KIF20B: variants seen among roughly 807,000 people sequenced by gnomAD.
KIF20B encodes kinesin family member 20B.
Under a neutral mutation model 232.5 loss-of-function variants are expected in KIF20B, and 188 were observed. The ratio of observed to expected loss-of-function variants is 0.81; its 90% CI spans 0.72 to 0.91. The LOEUF (loss-of-function observed/expected upper bound fraction) is 0.91. KIF20B is among the 40% of genes least tolerant of loss of function. KIF20B has a pLI of 0.00. For missense variants in KIF20B, 2,154 were observed against 2,055.9 expected (o/e 1.05, Z -0.92); for synonymous variants, 712 against 683.0 (o/e 1.04, Z -0.66).
At chr10:89,727,210 A>T (rs1389356145) in intron 16 of KIF20B, among the ~76,000 whole-genome samples, 1 of 151,596 alleles carries the variant, frequency 6.6e-6, no homozygotes, top group Non-Finnish European at 1.5e-5. Context: ...TGTTAGTTTG[A>T]TGCTTCATTC....
intron 1 of KIF20B, among the ~76,000 whole-genome samples, chr10:89,702,385 C>T (rs547516549): frequency 6.6e-6 from 1 of 152,222 alleles, no homozygotes; most frequent in Non-Finnish European, 1.5e-5. Context: ...TTCAGTGATG[C>T]ATGTCTGGCA....
chr10:89,717,271 A>C (rs984589113), intron 9 of KIF20B, among the ~76,000 whole-genome samples, 153 bp from the exon 10 acceptor site: 8 of 152,232 alleles, frequency 5.3e-5, no homozygotes, highest in Non-Finnish European at 1.5e-5. Flanking sequence ...ACAGTAGAAC[A>C]CTGGCTTGAA....
At chr10:89,703,755 CTTTTTTT>C (rs68124594) in intron 1 of KIF20B, among the ~76,000 whole-genome samples, 2 of 137,540 alleles carry the variant, frequency 1.5e-5, no homozygotes, top group South Asian at 2.4e-4. Flanking sequence ...AGGCTTTTCC[CTTTTTTT>C]TTTTTTTTTT....
intron 19 of KIF20B, among the ~76,000 whole-genome samples, chr10:89,736,137 G>A (rs1166618378): frequency 6.6e-6 from 1 of 152,042 alleles, no homozygotes; most frequent in African/African-American, 2.4e-5. Flanking sequence ...AAGTCTACTT[G>A]CAAACATCAT....
chr10:89,755,306 T>A (rs1842097258), intron 26 of KIF20B, among the ~76,000 whole-genome samples: 1 of 152,180 alleles, frequency 6.6e-6, no homozygotes, highest in Non-Finnish European at 1.5e-5. Context: ...GGCATTTCCT[T>A]TTTTTATGAC....
rs578044113 is a variant in KIF20B at position 89,725,859 on chromosome 10, C to A, written c.2002-434C>A. Among the ~76,000 whole-genome samples, 270 of 152,162 alleles carry A rather than the reference C, an allele frequency of 1.8e-3. 2 individuals carry two copies. The highest frequency in any genetic ancestry group is 6.2e-3 in the African/African-American group (256 of 41,530). On this transcript the variant is annotated intron_variant, in intron 15 of 32. Transcript: ENST00000371728. ...GTTTTTGTTTAGTTTTTTAATCACT[C>A]AGTTCAAGTGCCTGTGACAGTGATG...
chr10:89,709,575 A>AT, intron 4 of KIF20B, 114 bp downstream of exon 4: 1 of 670,052 alleles, frequency 1.5e-6, no homozygotes. Flanking sequence ...TGCAACTTAG[A>AT]TTTTAAGGAT....
intron 31 of KIF20B, among the ~76,000 whole-genome samples, chr10:89,770,946 A>G (rs149797389): frequency 2.0e-5 from 3 of 152,056 alleles, no homozygotes; most frequent in African/African-American, 7.2e-5. Context: ...ACTCTCTCCA[A>G]TCTATCTCTT....
chr10:89,702,448 A>AT (rs889134333), intron 1 of KIF20B, among the ~76,000 whole-genome samples: 1 of 152,210 alleles, frequency 6.6e-6, no homozygotes, highest in African/African-American at 2.4e-5. Flanking sequence ...TTCACGCCTT[A>AT]TGGGTTAGGT....
In KIF20B at chr10:89,710,725, T is replaced by C. The variant is rs188123744; in HGVS notation, c.491-236T>C. The stretch of plus-strand genomic sequence containing the variant: ...GATTATGGGTGGTTACAAATCTTAA[T>C]ATGGTTGCATTATCTGAATGTAAAG... On this transcript the variant is annotated intron_variant, in intron 5 of 32. Coordinates refer to ENST00000371728, the MANE Select transcript of KIF20B (RefSeq NM_001284259.2). Among the ~76,000 whole-genome samples the C allele has an allele frequency of 1.4e-4, 22 of 152,336 alleles. 1 individual carries two copies. The highest frequency in any genetic ancestry group is 4.6e-4 in the Admixed American group (7 of 15,296).
intron 28 of KIF20B, 62 bp downstream of exon 28, chr10:89,760,698 C>T (rs780180769): frequency 2.9e-5 from 29 of 994,254 alleles, no homozygotes; most frequent in South Asian, 5.4e-5. Context: ...CTAAATAACA[C>T]GTACAAGTAA....
intron 26 of KIF20B, among the ~76,000 whole-genome samples, chr10:89,757,857 T>A (rs1374727573): frequency 6.6e-6 from 1 of 151,758 alleles, no homozygotes; most frequent in African/African-American, 2.4e-5. Flanking sequence ...TTGGTTATTC[T>A]GTTGTTCCAG....
chr10:89,719,850 TATAGAAAG>T, intron 13 of KIF20B, 144 bp downstream of exon 13: 2 of 633,174 alleles, frequency 3.2e-6, no homozygotes, highest in Non-Finnish European at 5.4e-6. Context: ...ATTTCAAACC[TATAGAAAG>T]ACTAGTACAA....
At position 89,757,832 on chromosome 10, in the gene KIF20B, C is replaced by G. The variant is rs116239293; in HGVS notation, c.4504-874C>G. Among the ~76,000 whole-genome samples, 1,130 of 143,086 alleles carry G rather than the reference C, an allele frequency of 7.9e-3. 10 individuals carry two copies. The highest frequency in any genetic ancestry group is 0.027 in the African/African-American group (1,067 of 39,464). 93.9% of individuals were successfully genotyped at this position (143,086 alleles called of 152,430 possible). A position where few individuals can be genotyped will look rare whatever the true frequency, so the allele number is the denominator to read the frequency against. ...GTGTTGTAAGATTAGGGTTGGGGTT[C>G]TTTTTTTTTTTCATTTGGTTATTCT... On this transcript the variant is annotated intron_variant, in intron 26 of 32. Transcript: ENST00000371728.
rs1342228788 is a variant in KIF20B, at chr10:89,719,674, A to AATAAGGCT, written c.1691_1698dup (p.Phe567IlefsTer16). Reference sequence around the variant, plus strand: ...AGATCTAGATAAAACATTAGAGGAAAATAAGGCTTTCATTAGCCACGAGGA... The same window carrying AATAAGGCT: ...AGATCTAGATAAAACATTAGAGGAAAATAAGGCTATAAGGCTTTCATTAGCCACGAGGA... On this transcript the variant is annotated frameshift_variant, in exon 13 of 33. Coordinates refer to ENST00000371728, the MANE Select transcript of KIF20B (RefSeq NM_001284259.2). LOFTEE classifies it high-confidence loss of function. The AATAAGGCT allele has an allele frequency of 6.2e-7, 1 of 1,608,330 alleles. No homozygotes were observed. The highest frequency in any genetic ancestry group is 1.3e-5 in the African/African-American group (1 of 74,352).
intron 28 of KIF20B, 93 bp from the exon 29 acceptor site, chr10:89,762,545 T>C: frequency 4.4e-6 from 4 of 900,970 alleles, no homozygotes; most frequent in African/African-American, 1.7e-5. Flanking sequence ...TCCCAATGCA[T>C]TGTCTTGGAT....
intron 2 of KIF20B, among the ~76,000 whole-genome samples, chr10:89,707,492 C>A (rs564453002): frequency 1.3e-5 from 2 of 149,946 alleles, no homozygotes; most frequent in East Asian, 1.9e-4. Context: ...CTTTTCATTT[C>A]CTTTTTTTCT....
chr10:89,736,625 G>A (rs1211428171), intron 19 of KIF20B, among the ~76,000 whole-genome samples: 1 of 151,844 alleles, frequency 6.6e-6, no homozygotes, highest in African/African-American at 2.4e-5. Flanking sequence ...CTTTATTCTA[G>A]CAATATACAT....
At chr10:89,704,489 G>A (rs1210822136) in intron 1 of KIF20B, among the ~76,000 whole-genome samples, 1 of 151,484 alleles carries the variant, frequency 6.6e-6, no homozygotes, top group African/African-American at 2.4e-5. Context: ...TTTTGAATGT[G>A]TTTACATATA....
Sources: gnomAD v4.1 joint callset for allele counts (sites outside exome capture counted in the v4.1 genomes callset) on GRCh38, gnomAD v4.1.1 for gene constraint, MANE v1.5 for transcripts, NCBI Gene and HGNC (gene_info 2026-07-23, HGNC 2026-07-21) for gene names.